Variants in KCNH1 observed in about 807,000 individuals in gnomAD.
The protein encoded by KCNH1 is potassium voltage-gated channel subfamily H member 1.
Under a neutral mutation model 69.2 loss-of-function variants are expected in KCNH1, and 27 were observed. The observed-to-expected ratio is 0.39, with a 90% confidence interval of 0.29 to 0.54. The LOEUF is 0.54. Among genes scored for constraint, KCNH1 ranks in the 20% least tolerant of loss-of-function variants. The probability of loss-of-function intolerance (pLI) is 0.68; values close to 1 mark genes in which losing one functional copy is unlikely to be tolerated. For synonymous variants in KCNH1, 456 were observed against 487.7 expected (o/e 0.93, Z 0.86); for missense variants, 798 against 1,261.6 (o/e 0.63, Z 5.57).
chr1:210,884,492 T>C (rs1686562123), intron 7 of KCNH1, among the ~76,000 whole-genome samples: 1 of 152,222 alleles, frequency 6.6e-6, no homozygotes, highest in Non-Finnish European at 1.5e-5. Flanking sequence ...TAAATGTCTT[T>C]ACCCAAAGGC....
intron 10 of KCNH1, among the ~76,000 whole-genome samples, chr1:210,764,154 T>C (rs116701155): frequency 1.2e-3 from 189 of 151,692 alleles, no homozygotes; most frequent in Non-Finnish European, 2.0e-3. Flanking sequence ...TACGAGAAAA[T>C]TGGCTAACTA....
chr1:210,683,787 G>A lies in KCNH1; in HGVS notation c.2464C>T (p.Leu822=). ...TCGCCCCCGCCCCCCTTGGGGCCCA[G>A]GCACTCGGACCCTGGCGCCTGTAGC... ...AKLQAPGSEC[L]GPKGGGGDCA... Residue 822 remains leucine, a synonymous_variant, in exon 11 of 11, where the codon CTG becomes TTG. Transcript: ENST00000271751. The surrounding 1 kb of genome is among the most constrained non-coding windows in gnomAD (Gnocchi z 5.7). 6.2e-7 allele frequency: 1 copy of A among 1,613,658 alleles called. No individual in the cohort carries two copies. The highest frequency in any genetic ancestry group is 8.5e-7 in the Non-Finnish European group (1 of 1,180,042).
intron 6 of KCNH1, among the ~76,000 whole-genome samples, chr1:210,937,472 AC>A (rs1687793827): frequency 6.6e-6 from 1 of 152,202 alleles, no homozygotes; most frequent in South Asian, 2.1e-4. Context: ...CACTCCAGTA[AC>A]TGAATAGTAC....
chr1:210,761,037 G>C (rs1465410690), intron 10 of KCNH1, among the ~76,000 whole-genome samples: 1 of 151,718 alleles, frequency 6.6e-6, no homozygotes, highest in Non-Finnish European at 1.5e-5. Flanking sequence ...CGGATCACAA[G>C]GTCAGGAGAT....
chr1:210,938,879 CT>C (rs2102585398), intron 6 of KCNH1, among the ~76,000 whole-genome samples: 1 of 152,322 alleles, frequency 6.6e-6, no homozygotes, highest in South Asian at 2.1e-4. Flanking sequence ...CACTCTCTGA[CT>C]TGAATTCTAA....
At chr1:210,862,821 G>A (rs1686008124) in intron 7 of KCNH1, among the ~76,000 whole-genome samples, 1 of 152,156 alleles carries the variant, frequency 6.6e-6, no homozygotes, top group Non-Finnish European at 1.5e-5. Context: ...TGGAGGAAAG[G>A]CCCTTATCTC....
At chr1:210,942,111 T>C (rs994654273) in intron 6 of KCNH1, among the ~76,000 whole-genome samples, 2 of 152,372 alleles carry the variant, frequency 1.3e-5, no homozygotes, top group African/African-American at 4.8e-5. Context: ...AAATATATAG[T>C]TCCAAAGTTT....
chr1:211,063,600 G>C (rs1690472810), intron 5 of KCNH1: 1 of 152,200 alleles, frequency 6.6e-6, no homozygotes, highest in Admixed American at 6.5e-5. Context: ...AATTAGCCCG[G>C]TGTAGCAGCG....
intron 5 of KCNH1, among the ~76,000 whole-genome samples, chr1:211,081,211 GA>G (rs1293251511): frequency 6.6e-6 from 1 of 152,142 alleles, no homozygotes; most frequent in Non-Finnish European, 1.5e-5. Flanking sequence ...ACAGACACAT[GA>G]AAAAATGCTC....
At chr1:210,938,282 G>A (rs1350961751) in intron 6 of KCNH1, among the ~76,000 whole-genome samples, 1 of 152,132 alleles carries the variant, frequency 6.6e-6, no homozygotes, top group East Asian at 1.9e-4. Flanking sequence ...GATAAAAATA[G>A]GAAATAAATT....
intron 1 of KCNH1, among the ~76,000 whole-genome samples, chr1:211,123,982 CAA>C: frequency 6.6e-6 from 1 of 152,168 alleles, no homozygotes; most frequent in Admixed American, 6.5e-5. Context: ...AGTGGCCACT[CAA>C]TGAAGTCAGG....
chr1:211,117,825 A>G (rs902160597), intron 1 of KCNH1, among the ~76,000 whole-genome samples: 1 of 152,160 alleles, frequency 6.6e-6, no homozygotes. Flanking sequence ...ATAAAATATG[A>G]CTGTCTAAGT....
intron 10 of KCNH1, among the ~76,000 whole-genome samples, chr1:210,717,869 G>A (rs1242201753): frequency 6.6e-6 from 1 of 152,174 alleles, no homozygotes; most frequent in Non-Finnish European, 1.5e-5. Flanking sequence ...ACTTTGGGAG[G>A]TCGAGGTGGG....
chr1:210,910,056 T>C (rs1257579333), intron 7 of KCNH1, among the ~76,000 whole-genome samples: 1 of 151,724 alleles, frequency 6.6e-6, no homozygotes, highest in Non-Finnish European at 1.5e-5. Flanking sequence ...TTTTGACACA[T>C]GGTAAACAGT....
chr1:210,870,154 T>A (rs1339069364), intron 7 of KCNH1, among the ~76,000 whole-genome samples: 1 of 152,034 alleles, frequency 6.6e-6, no homozygotes, highest in Non-Finnish European at 1.5e-5. Context: ...CCAAAAGGAG[T>A]TTTTTTCATA....
At chr1:210,788,265 A>G (rs1203628498) in intron 9 of KCNH1, among the ~76,000 whole-genome samples, 2 of 152,322 alleles carry the variant, frequency 1.3e-5, no homozygotes, top group Admixed American at 1.3e-4. Context: ...TATACTTTCC[A>G]TCTTTCTTTT....
intron 7 of KCNH1, among the ~76,000 whole-genome samples, chr1:210,841,732 G>A (rs146080948): frequency 5.4e-4 from 82 of 152,156 alleles, no homozygotes; most frequent in African/African-American, 1.9e-3. Context: ...CTCACTAGTA[G>A]GTTTTTCCCC....
chr1:210,711,670 A>G (rs750451866), intron 10 of KCNH1, among the ~76,000 whole-genome samples: 2 of 152,124 alleles, frequency 1.3e-5, no homozygotes, highest in African/African-American at 4.8e-5. Context: ...TTATCATGCA[A>G]TGATACAAGA....
intron 6 of KCNH1, among the ~76,000 whole-genome samples, chr1:211,005,957 C>G (rs571437706): frequency 3.2e-4 from 48 of 152,110 alleles, no homozygotes; most frequent in Middle Eastern, 3.4e-3. Flanking sequence ...AAGAGAGTAA[C>G]CAAAGATGCT....
Sources: allele counts gnomAD v4.1 joint callset (sites outside exome capture counted in the v4.1 genomes callset), GRCh38; gene constraint gnomAD v4.1.1; non-coding constraint Gnocchi (gnomAD v3.1); transcripts MANE v1.5; gene names NCBI Gene and HGNC (gene_info 2026-07-23, HGNC 2026-07-21).